The following MIA2 variants were observed in gnomAD, a reference collection of about 807,000 sequenced individuals.
The protein encoded by MIA2 is melanoma inhibitory activity protein 2.
In MIA2, 127 loss-of-function variants were observed where a neutral mutation model predicts 167.8. The observed-to-expected ratio is 0.76, with a 90% CI of 0.66 to 0.88. The LOEUF (loss-of-function observed/expected upper bound fraction) is 0.88. MIA2 is among the 40% of genes least tolerant of loss of function. MIA2 has a pLI of 0.00. For synonymous variants in MIA2, 552 were observed against 541.9 expected (o/e 1.02, Z -0.26); for missense variants, 1,690 against 1,624.7 (o/e 1.04, Z -0.69).
intron 9 of MIA2, among the ~76,000 whole-genome samples, chr14:39,286,153 A>G (rs1037969720): frequency 2.0e-5 from 3 of 152,224 alleles, no homozygotes; most frequent in Admixed American, 6.5e-5. Context: ...AGCCTGGGCA[A>G]CGTTGAGCAC....
At chr14:39,241,737 T>G (rs2054048760) in intron 3 of MIA2, among the ~76,000 whole-genome samples, 1 of 152,246 alleles carries the variant, frequency 6.6e-6, no homozygotes, top group Non-Finnish European at 1.5e-5. Flanking sequence ...AATCTGATTA[T>G]GTCATTCCTT....
chr14:39,368,906 ATC>A (rs940102531), intron 23 of MIA2, among the ~76,000 whole-genome samples: 8 of 151,806 alleles, frequency 5.3e-5, no homozygotes, highest in East Asian at 1.9e-4. Context: ...ATCTTCTTCA[ATC>A]TCTCTATATT....
intron 9 of MIA2, among the ~76,000 whole-genome samples, chr14:39,281,882 A>G (rs1323758942): frequency 2.6e-5 from 4 of 152,114 alleles, no homozygotes; most frequent in Admixed American, 1.3e-4. Flanking sequence ...TGGCCTCCCA[A>G]AGTGCTAGGA....
At position 39,308,561 on chromosome 14, in the gene MIA2, T is replaced by C; in HGVS notation, c.2991T>C (p.Tyr997=). Residue 997 remains tyrosine (Y), a synonymous_variant, in exon 18 of 29, where the codon TAT becomes TAC. Transcript: ENST00000640607. ...AACTTAAAGTAATGACTGAATTATA[T>C]CAAGAAAATGAAATGAAACTCCACA... The part of the protein sequence containing the change: ...QQKLKVMTEL[Y]QENEMKLHRK... The C allele has an allele frequency of 6.4e-7, 1 of 1,562,196 alleles. No individual in the cohort carries two copies. Among genetic ancestry groups the C allele is most frequent in the Non-Finnish European group, 8.7e-7 (1 of 1,153,994 alleles).
At chr14:39,260,461 C>T (rs376734882) in intron 6 of MIA2, among the ~76,000 whole-genome samples, 35 of 152,186 alleles carry the variant, frequency 2.3e-4, no homozygotes, top group East Asian at 5.8e-4. Flanking sequence ...TGGCCAGTGA[C>T]GATGAGCATT....
rs1309426220 is a variant in MIA2 at position 39,304,381 on chromosome 14, G to T, written c.2878G>T (p.Glu960Ter). The change falls in exon 17 of 29, where the codon GAG (glutamate) becomes TAG (stop). Residue 960 changes from glutamate (E) to a stop codon, truncating the protein, a stop_gained and splice_region_variant. Coordinates refer to ENST00000640607, the MANE Select transcript of MIA2 (RefSeq NM_001329214.4). LOFTEE classifies it high-confidence loss of function. ...EVDKTKEELT[E>*]HIKNLQTEQA... Reference sequence around the variant, plus strand: ...TGATAAAACAAAGGAAGAGCTTACAGGTAGGTCATTGACATACATACTTTT... The same window carrying T: ...TGATAAAACAAAGGAAGAGCTTACATGTAGGTCATTGACATACATACTTTT... 6.5e-7 allele frequency: 1 copy of T among 1,538,912 alleles called. No individual in the cohort carries two copies. Among genetic ancestry groups the T allele is most frequent in the Non-Finnish European group, 8.8e-7 (1 of 1,135,130 alleles).
rs1464671375 is a variant in MIA2, at chr14:39,360,012, G to C, written c.2248+11035G>C. On this transcript the variant is annotated intron_variant, in intron 23 of 23. Coordinates refer to the MIA2 transcript ENST00000341502. ...AGCATGTTTTTTTTTTTTTTTTTTT[G>C]TCTTATTAATAGCCATTCTGGCCAG... is the stretch of plus-strand genomic sequence containing the variant. Among the ~76,000 whole-genome samples, 30 of 64,902 alleles carry C rather than the reference G, an allele frequency of 4.6e-4. No homozygotes were observed. In the East Asian group the frequency reaches 9.2e-3, roughly 20 times the overall value. The allele number at this position is 64,902 out of a possible 152,430, so 42.6% of individuals were successfully genotyped here. A position where few individuals can be genotyped will look rare whatever the true frequency, so the allele number is the denominator to read the frequency against.
intron 24 of MIA2, among the ~76,000 whole-genome samples, chr14:39,326,209 ATTC>A (rs1566933931): frequency 6.6e-6 from 1 of 152,214 alleles, no homozygotes; most frequent in African/African-American, 2.4e-5. Flanking sequence ...GAACTTATGA[ATTC>A]TTCTTTTGAA....
chr14:39,276,833 C>T (rs1326772674), intron 6 of MIA2, 101 bp from the exon 7 acceptor site: 10 of 1,272,618 alleles, frequency 7.9e-6, no homozygotes, highest in South Asian at 6.7e-5. Context: ...GTTAGTCTGG[C>T]AGCCCATTTT....
In MIA2 at chr14:39,299,819, A is replaced by G. The variant is rs202037560; in HGVS notation, c.2497-45A>G. On this transcript the variant is annotated intron_variant, in intron 13 of 28. Coordinates refer to ENST00000640607, the MANE Select transcript of MIA2 (RefSeq NM_001329214.4). ...AATGCCTTCTTGGTATCTTTTAATG[A>G]TTCACTTGTGTGATGAGTTGCATTT... 92 of 1,571,678 alleles carry G rather than the reference A, an allele frequency of 5.9e-5. 1 individual carries two copies. The highest frequency in any genetic ancestry group is 2.4e-5 in the Non-Finnish European group (28 of 1,168,434).
intron 9 of MIA2, among the ~76,000 whole-genome samples, chr14:39,283,584 A>C (rs1169209419): frequency 6.6e-6 from 1 of 152,174 alleles, no homozygotes; most frequent in Non-Finnish European, 1.5e-5. Flanking sequence ...GTACAAGTGC[A>C]CATTTGTTAC....
chr14:39,311,851 A>G (rs148814714), intron 18 of MIA2, among the ~76,000 whole-genome samples: 3,007 of 145,322 alleles, frequency 0.021, 104 homozygotes, highest in African/African-American at 0.07. Flanking sequence ...TTTTTTTGAG[A>G]TAGAGTCTAG....
chr14:39,360,133 C>A (rs539803077), intron 23 of MIA2, among the ~76,000 whole-genome samples: 2 of 151,966 alleles, frequency 1.3e-5, no homozygotes, highest in Non-Finnish European at 2.9e-5. Context: ...GAAACCCTGT[C>A]TCTACTAAAA....
intron 15 of MIA2, 123 bp downstream of exon 15, chr14:39,302,372 G>A: frequency 1.8e-6 from 2 of 1,109,062 alleles, no homozygotes; most frequent in Non-Finnish European, 2.6e-6. Context: ...GTCTGTCTGT[G>A]ACACACTGTC....
intron 7 of MIA2, among the ~76,000 whole-genome samples, chr14:39,278,988 C>T (rs979952273): frequency 9.9e-5 from 15 of 151,984 alleles, no homozygotes; most frequent in East Asian, 3.9e-4. Context: ...TGGTGAAACC[C>T]GGTCTCTACT....
At chr14:39,323,714 T>C (rs777808314) in intron 24 of MIA2, among the ~76,000 whole-genome samples, 3 of 152,214 alleles carry the variant, frequency 2.0e-5, no homozygotes, top group Non-Finnish European at 2.9e-5. Flanking sequence ...AATAAGGGTA[T>C]AATTGGCTAA....
At chr14:39,237,084 C>T (rs764579462) in intron 2 of MIA2, 29 bp downstream of exon 2, 29 of 1,606,124 alleles carry the variant, frequency 1.8e-5, no homozygotes, top group Admixed American at 8.5e-5. Context: ...AAATTGAATG[C>T]AGAATAAATG....
chr14:39,288,454 T>TTTTTTTTTTTTTTTG (rs2060160944), intron 9 of MIA2, among the ~76,000 whole-genome samples: 1 of 13,904 alleles, frequency 7.2e-5, no homozygotes, highest in African/African-American at 1.8e-4. Context: ...TATATATATA[T>TTTTTTTTTTTTTTTG]ATATATATAT....
At chr14:39,291,474 G>A (rs1271966302) in intron 10 of MIA2, among the ~76,000 whole-genome samples, 1 of 152,074 alleles carries the variant, frequency 6.6e-6, no homozygotes, top group African/African-American at 2.4e-5. Context: ...AGGAATAGTT[G>A]GCAACAATAA....
Sources: allele counts gnomAD v4.1 joint callset (sites outside exome capture counted in the v4.1 genomes callset), GRCh38; gene constraint gnomAD v4.1.1; transcripts MANE v1.5; gene names NCBI Gene and HGNC (gene_info 2026-07-23, HGNC 2026-07-21).